ENTR1: variants seen among roughly 807,000 people sequenced by gnomAD.
ENTR1 encodes endosome-associated-trafficking regulator 1.
In ENTR1, 47 loss-of-function variants were observed where a neutral mutation model predicts 47.9. That is an observed-to-expected ratio of 0.98 (90% confidence interval 0.78 to 1.25). The LOEUF is 1.25. Ranked by LOEUF, ENTR1 falls within the 50% of genes most tolerant of loss-of-function variation. ENTR1 has a pLI of 0.00. For missense variants in ENTR1, 668 were observed against 570.5 expected (o/e 1.17, Z -1.74); for synonymous variants, 290 against 245.8 (o/e 1.18, Z -1.68).
Position 136,402,416 on chromosome 9 carries a change from C to G in ENTR1, c.*372G>C, listed in dbSNP as rs997460245. On this transcript the variant is annotated 3_prime_UTR_variant, in exon 10 of 10. Coordinates refer to ENST00000357365, the MANE Select transcript of ENTR1 (RefSeq NM_001039707.2). ...TTAGTGTTTGTTCTACTTATGAAATCAAGGACAACCAATTGTACTTATCTT... is the reference window on the plus strand; with the variant it reads ...TTAGTGTTTGTTCTACTTATGAAATGAAGGACAACCAATTGTACTTATCTT... 1 of 164,848 alleles carries G rather than the reference C, an allele frequency of 6.1e-6. No individual in the cohort carries two copies. The allele number at this position is 164,848 out of a possible 1,614,324, so 10.2% of individuals were successfully genotyped here. A position where few individuals can be genotyped will look rare whatever the true frequency, so the allele number is the denominator to read the frequency against.
intron 6 of ENTR1, 23 bp from the exon 7 acceptor site, chr9:136,405,225 T>G: frequency 6.4e-7 from 1 of 1,567,044 alleles, no homozygotes; most frequent in Non-Finnish European, 8.8e-7. Context: ...AAACCCGAGT[T>G]GTTAATTTCT....
At chr9:136,409,380 AC>A (rs1834961444) in intron 2 of ENTR1, among the ~76,000 whole-genome samples, 1 of 151,634 alleles carries the variant, frequency 6.6e-6, no homozygotes, top group Non-Finnish European at 1.5e-5. Context: ...ACGGGTTTTC[AC>A]CCTGTTAGCC....
rs749084658 is a variant in ENTR1, at chr9:136,403,617, G to A, written c.1208+438C>T. Among the ~76,000 whole-genome samples, 10 of 152,190 alleles carry A rather than the reference G, an allele frequency of 6.6e-5. No homozygotes were observed. In the East Asian group the frequency reaches 1.5e-3, roughly 23 times the overall value. ...AGGGAGTGCTCTGGGGGCCAACACC[G>A]CCCTGCAGAGCTCAGCCCAATGGGT... On this transcript the variant is annotated intron_variant, in intron 9 of 9. Coordinates refer to ENST00000357365, the MANE Select transcript of ENTR1 (RefSeq NM_001039707.2).
In ENTR1 at chr9:136,410,181, A is replaced by T; in HGVS notation, c.129T>A (p.His43Gln). The change falls in exon 2 of 10, where the codon CAT (histidine) becomes CAA (glutamine). Residue 43 changes from histidine (H) to glutamine (Q), a missense_variant. Physicochemically the swap from His to Gln is conservative, Grantham distance 24. Coordinates refer to ENST00000357365, the MANE Select transcript of ENTR1 (RefSeq NM_001039707.2). Reference protein sequence around the residue: ...CLPQLNCERPHGRDLDSPFFG... With the variant: ...CLPQLNCERPQGRDLDSPFFG... The stretch of plus-strand genomic sequence containing the variant: ...AGAAGGGGGAGTCCAGGTCCCTGCC[A>T]TGGGGGCGCTCACAATTTAGCTGGG... The T allele has an allele frequency of 6.2e-7, 1 of 1,608,864 alleles. No homozygotes were observed. Among genetic ancestry groups the T allele is most frequent in the Non-Finnish European group, 8.5e-7 (1 of 1,178,382 alleles).
intron 5 of ENTR1, among the ~76,000 whole-genome samples, chr9:136,406,423 C>G (rs960545582): frequency 1.3e-5 from 2 of 149,862 alleles, no homozygotes; most frequent in Non-Finnish European, 3.0e-5. Flanking sequence ...GAGCCGAGAT[C>G]GTGCCACTCC....
chr9:136,405,144 G>A lies in ENTR1; in HGVS notation c.952C>T (p.His318Tyr), dbSNP rs376926866. ...TGCTGAACCACCGACTCCAGGTCGT[G>A]GTAGTCGCTTTCCTCCTTGATCATT... ...AKMIKEESDY[H>Y]DLESVVQQVE... The change falls in exon 7 of 10, where the codon CAC (histidine) becomes TAC (tyrosine). Residue 318 changes from histidine (H) to tyrosine (Y), a missense_variant. His to Tyr is a moderately conservative substitution (Grantham distance 83). Transcript: ENST00000357365. 5.0e-6 allele frequency: 8 copies of A among 1,613,878 alleles called. No individual in the cohort carries two copies. In the African/African-American group the frequency reaches 9.3e-5, roughly 19 times the overall value.
intron 9 of ENTR1, 31 bp from the exon 10 acceptor site, chr9:136,402,918 G>A (rs781516924): frequency 6.4e-7 from 1 of 1,566,116 alleles, no homozygotes; most frequent in East Asian, 2.2e-5. Context: ...CAGGATGGGT[G>A]GCAGCAGCTA....
At chr9:136,409,994 T>C (rs1300842622) in intron 2 of ENTR1, 96 bp downstream of exon 2, 3 of 1,442,742 alleles carry the variant, frequency 2.1e-6, no homozygotes, top group South Asian at 1.2e-5. Flanking sequence ...GCTCTGCACA[T>C]TGATGGGTCA....
In ENTR1 at chr9:136,404,636, G is replaced by A. The variant is rs565672746; in HGVS notation, c.1063C>T (p.Leu355Phe). Residue 355 changes from leucine to phenylalanine, a missense_variant, in exon 8 of 10, where the codon CTC becomes TTC. Leu to Phe is a conservative substitution (Grantham distance 22). Coordinates refer to ENST00000357365, the MANE Select transcript of ENTR1 (RefSeq NM_001039707.2). ...AAGTCCCTTCCTTTAATTACCTGGA[G>A]CAAACTGATTTCCTGTTTTAGTTTC... ...VVKLKQEISL[L>F]QAQVSNFQRE... 3.7e-5 allele frequency: 60 copies of A among 1,614,006 alleles called. No homozygotes were observed. The South Asian group carries it at 5.7e-4, about 15-fold the overall frequency.
chr9:136,406,951 C>T lies in ENTR1; in HGVS notation c.819+194G>A, dbSNP rs933204580. 1.4e-5 allele frequency: 8 copies of T among 587,210 alleles called. No homozygotes were observed. In the South Asian group the frequency reaches 1.6e-4, roughly 12 times the overall value. 36.4% of individuals were successfully genotyped at this position (587,210 alleles called of 1,614,324 possible). A position where few individuals can be genotyped will look rare whatever the true frequency, so the allele number is the denominator to read the frequency against. On this transcript the variant is annotated intron_variant, in intron 5 of 9. Coordinates refer to ENST00000357365, the MANE Select transcript of ENTR1 (RefSeq NM_001039707.2). ...ATTCACAGCTTCTAGCTCACCAGTCCTCTTTAGCCGGTTCTATTCCCACGT... is the reference window on the plus strand; with the variant it reads ...ATTCACAGCTTCTAGCTCACCAGTCTTCTTTAGCCGGTTCTATTCCCACGT...
intron 8 of ENTR1, 49 bp downstream of exon 8, chr9:136,404,582 G>A: frequency 4.4e-6 from 7 of 1,580,128 alleles, no homozygotes; most frequent in Non-Finnish European, 6.1e-6. Context: ...AATTCATTAT[G>A]TGACTCCACA....
chr9:136,402,734 G>C lies in ENTR1; in HGVS notation c.*54C>G. 1 of 1,167,590 alleles carries C rather than the reference G, an allele frequency of 8.6e-7. No individual in the cohort carries two copies. Among genetic ancestry groups the C allele is most frequent in the Non-Finnish European group, 1.3e-6 (1 of 777,988 alleles). 72.3% of individuals were successfully genotyped at this position (1,167,590 alleles called of 1,614,324 possible). A position where few individuals can be genotyped will look rare whatever the true frequency, so the allele number is the denominator to read the frequency against. ...ACACAACTGCACATTTAGATCGAGC[G>C]GTGGTGACCTCAGGGTATACACGGA... On this transcript the variant is annotated 3_prime_UTR_variant, in exon 10 of 10. Transcript: ENST00000357365.
At chr9:136,408,364 G>A (rs1220702149) in intron 3 of ENTR1, among the ~76,000 whole-genome samples, 3 of 152,118 alleles carry the variant, frequency 2.0e-5, no homozygotes, top group African/African-American at 7.2e-5. Flanking sequence ...GGATCACGAG[G>A]TCAGGAGACT....
intron 5 of ENTR1, 48 bp from the exon 6 acceptor site, chr9:136,406,026 A>G: frequency 6.9e-7 from 1 of 1,454,176 alleles, no homozygotes; most frequent in Non-Finnish European, 9.5e-7. Context: ...GTCTGGCTCA[A>G]AAGGGCGTGT....
intron 2 of ENTR1, 151 bp from the exon 3 acceptor site, chr9:136,409,218 T>C (rs1391541039): frequency 1.6e-6 from 1 of 609,858 alleles, no homozygotes; most frequent in East Asian, 2.9e-5. Context: ...TCTTGCTCTG[T>C]CGCCCAAGCT....
Position 136,410,119 on chromosome 9 carries a change from CT to C in ENTR1, c.190del (p.Ser64AlafsTer52). On this transcript the variant is annotated frameshift_variant, in exon 2 of 10. Coordinates refer to ENST00000357365, the MANE Select transcript of ENTR1 (RefSeq NM_001039707.2). LOFTEE classifies it high-confidence loss of function. Reference protein sequence around the residue: ...IRPAFMCYVPSPVLASVGDTD... With the variant: ...IRPAFMCYVPXPVLASVGDTD... ...GTCTCCCACGGAAGCCAGCACCGGG[CT>C]GGGCACATAGCACATAAAGGCCGGC... 1 of 1,612,878 alleles carries C rather than the reference CT, an allele frequency of 6.2e-7. No individual in the cohort carries two copies. Among genetic ancestry groups the C allele is most frequent in the South Asian group, 1.1e-5 (1 of 91,060 alleles).
chr9:136,404,197 G>A lies in ENTR1; in HGVS notation c.1069-3C>T, dbSNP rs1834649749. The A allele has an allele frequency of 1.2e-6, 2 of 1,603,206 alleles. No homozygotes were observed. Among genetic ancestry groups the A allele is most frequent in the East Asian group, 2.2e-5 (1 of 44,706 alleles). On this transcript the variant is annotated splice_region_variant and splice_polypyrimidine_tract_variant and intron_variant, in intron 8 of 9. Coordinates refer to ENST00000357365, the MANE Select transcript of ENTR1 (RefSeq NM_001039707.2). Reference sequence around the variant, plus strand: ...CGCTGGAAGTTGGAGACCTGCGCCTGGGGGGACGGTTACGGCTAAGGACAG... The same window carrying A: ...CGCTGGAAGTTGGAGACCTGCGCCTAGGGGGACGGTTACGGCTAAGGACAG...
chr9:136,402,848 G>A lies in ENTR1; in HGVS notation c.1248C>T (p.Ala416=), dbSNP rs759709203. The change falls in exon 10 of 10, where the codon GCC becomes GCT. Residue 416 remains alanine (A), a synonymous_variant. Transcript: ENST00000357365. The part of the protein sequence containing the change: ...VSGAETLNLV[A]EILKSIDRIS... ...TTCTGTCTATAGATTTAAGGATTTC[G>A]GCAACAAGATTCAGTGTCTCAGCTC... 6.7e-5 allele frequency: 108 copies of A among 1,612,754 alleles called. No homozygotes were observed. The highest frequency in any genetic ancestry group is 8.4e-5 in the Non-Finnish European group (99 of 1,179,808).
intron 9 of ENTR1, among the ~76,000 whole-genome samples, chr9:136,403,849 A>G (rs973426491): frequency 1.3e-5 from 2 of 152,136 alleles, no homozygotes; most frequent in African/African-American, 4.8e-5. Flanking sequence ...GGGATCAGAC[A>G]CTGCGAGGCA....
Sources: gnomAD v4.1 joint callset for allele counts (sites outside exome capture counted in the v4.1 genomes callset) on GRCh38, gnomAD v4.1.1 for gene constraint, MANE v1.5 for transcripts, NCBI Gene and HGNC (gene_info 2026-07-23, HGNC 2026-07-21) for gene names.